Variants in ARHGAP44 observed in about 807,000 individuals in gnomAD.
ARHGAP44 encodes rho GTPase-activating protein 44.
ARHGAP44 carries 43 observed loss-of-function variants against 106.8 expected under a neutral mutation model. The ratio of observed to expected loss-of-function variants is 0.40; its 90% CI spans 0.32 to 0.52. The LOEUF is 0.52. ARHGAP44 is among the 20% of genes least tolerant of loss of function. The pLI is 0.48. For missense variants in ARHGAP44, 866 were observed against 1,050.5 expected, an observed-to-expected ratio of 0.82 and a Z score of 2.43; for synonymous variants, 439 against 410.3, an observed-to-expected ratio of 1.07 and a Z score of -0.85.
Position 12,990,195 on chromosome 17 carries a change from G to C in ARHGAP44, c.*24G>C. 6.3e-7 allele frequency: 1 copy of C among 1,599,970 alleles called. No homozygotes were observed. The highest frequency in any genetic ancestry group is 8.6e-7 in the Non-Finnish European group (1 of 1,168,630). On this transcript the variant is annotated 3_prime_UTR_variant, in exon 21 of 21. Coordinates refer to ENST00000379672, the MANE Select transcript of ARHGAP44 (RefSeq NM_014859.6). ...GACATGACACCGCCCATCCTGCCTC[G>C]CGTGTACATACATCACGGGCCCTAG...
chr17:12,894,968 G>A lies in ARHGAP44; in HGVS notation c.82G>A (p.Asp28Asn). The change falls in exon 2 of 21, where the codon GAC becomes AAC. Residue 28 changes from aspartate to asparagine, a missense_variant. Coordinates refer to ENST00000379672, the MANE Select transcript of ARHGAP44 (RefSeq NM_014859.6). ...TGAAAAGACAGAAGTTTTGAGTGAA[G>A]ACCTTCTTCAGGTAAGGCGGCCATT... ...RAEKTEVLSE[D>N]LLQVEKRLEL... 2.5e-6 allele frequency: 4 copies of A among 1,589,376 alleles called. No individual in the cohort carries two copies. Among genetic ancestry groups the A allele is most frequent in the Non-Finnish European group, 3.4e-6 (4 of 1,167,062 alleles).
intron 16 of ARHGAP44, among the ~76,000 whole-genome samples, chr17:12,961,532 C>T (rs1451879362): frequency 2.0e-5 from 3 of 152,100 alleles, no homozygotes; most frequent in Non-Finnish European, 2.9e-5. Flanking sequence ...CTTGGGAGTT[C>T]GAGACCAGCC....
rs189359794 is a variant in ARHGAP44, at chr17:12,847,693, A to G, written c.54-47247A>G. Among the ~76,000 whole-genome samples, 1,106 of 149,928 alleles carry G rather than the reference A, an allele frequency of 7.4e-3. 7 individuals carry two copies. The highest frequency in any genetic ancestry group is 0.011 in the Non-Finnish European group (752 of 67,488). ...TGCGCCCGGCTAATTTTTTTTTTGT[A>G]TTTTTAGTAGAGACGGGGTTTCACC... On this transcript the variant is annotated intron_variant, in intron 1 of 20. Transcript: ENST00000379672.
At chr17:12,877,437 G>A (rs889270661) in intron 1 of ARHGAP44, among the ~76,000 whole-genome samples, 6 of 152,070 alleles carry the variant, frequency 3.9e-5, no homozygotes, top group Admixed American at 2.0e-4. Flanking sequence ...TAAGATCATC[G>A]TTGGTTTATA....
In ARHGAP44 at chr17:12,974,086, C is replaced by T; in HGVS notation, c.1542-3C>T. 1 of 1,561,262 alleles carries T rather than the reference C, an allele frequency of 6.4e-7. No homozygotes were observed. ...TAAGCGGTGTCTTTGTGTCCCTCGC[C>T]AGCATGGGTGTGAGGGTCATGGACA... On this transcript the variant is annotated splice_region_variant and splice_polypyrimidine_tract_variant and intron_variant, in intron 17 of 20. Coordinates refer to ENST00000379672, the MANE Select transcript of ARHGAP44 (RefSeq NM_014859.6).
chr17:12,953,512 A>G (rs944818578), intron 13 of ARHGAP44, among the ~76,000 whole-genome samples: 2 of 152,218 alleles, frequency 1.3e-5, no homozygotes, highest in Non-Finnish European at 2.9e-5. Flanking sequence ...GGATCCAGCA[A>G]TTCCACTTCT....
chr17:12,831,504 G>A (rs755631421), intron 1 of ARHGAP44, among the ~76,000 whole-genome samples: 5 of 152,194 alleles, frequency 3.3e-5, no homozygotes, highest in Admixed American at 3.3e-4. Flanking sequence ...ATGAGCAGAG[G>A]CTCCGTAGAG....
chr17:12,797,477 T>C (rs780692482), intron 1 of ARHGAP44, among the ~76,000 whole-genome samples: 5 of 152,210 alleles, frequency 3.3e-5, no homozygotes, highest in Admixed American at 6.5e-5. Flanking sequence ...TTATTGTCTG[T>C]TGGTTCTGGC....
intron 1 of ARHGAP44, among the ~76,000 whole-genome samples, chr17:12,832,485 A>G (rs1413556306): frequency 6.6e-6 from 1 of 152,156 alleles, no homozygotes. Context: ...TCTTAGCTTC[A>G]TGACTCCTGA....
chr17:12,987,032 T>C, intron 20 of ARHGAP44: 1 of 1,334,384 alleles, frequency 7.5e-7, no homozygotes, highest in Non-Finnish European at 1.0e-6. Flanking sequence ...TTTTTTTTTT[T>C]TTTTTTGTGA....
chr17:12,836,731 C>A (rs192780326), intron 1 of ARHGAP44, among the ~76,000 whole-genome samples: 8 of 152,212 alleles, frequency 5.3e-5, no homozygotes, highest in African/African-American at 9.6e-5. Flanking sequence ...ACACAATAAT[C>A]CTATGTGTCT....
At chr17:12,841,622 ACACACACACACACAC>A (rs2035402070) in intron 1 of ARHGAP44, among the ~76,000 whole-genome samples, 17 of 146,082 alleles carry the variant, frequency 1.2e-4, no homozygotes, top group Admixed American at 9.4e-4. Flanking sequence ...ACACACACAC[ACACACACACACACAC>A]ACAAACAAAC....
chr17:12,916,470 G>T (rs1312435160), intron 5 of ARHGAP44, among the ~76,000 whole-genome samples: 1 of 151,954 alleles, frequency 6.6e-6, no homozygotes, highest in Non-Finnish European at 1.5e-5. Context: ...TGCAACCTCC[G>T]CCTCCCAGGT....
At chr17:12,983,677 G>T (rs1049058176) in intron 19 of ARHGAP44, among the ~76,000 whole-genome samples, 1 of 152,076 alleles carries the variant, frequency 6.6e-6, no homozygotes, top group Non-Finnish European at 1.5e-5. Flanking sequence ...GGTGGTGGGC[G>T]CCTGTAATCC....
At chr17:12,987,237 A>T (rs951512813) in intron 20 of ARHGAP44, 1 of 1,266,264 alleles carries the variant, frequency 7.9e-7, no homozygotes, top group African/African-American at 1.5e-5. Flanking sequence ...TCGTCTCTGC[A>T]TGTGGCTCAG....
chr17:12,803,451 ATGAATCCATCCC>A (rs575988352), intron 1 of ARHGAP44, among the ~76,000 whole-genome samples: 177 of 152,156 alleles, frequency 1.2e-3, no homozygotes, highest in African/African-American at 4.0e-3. Flanking sequence ...GTTGGCTCCT[ATGAATCCATCCC>A]TGAATTATAT....
intron 7 of ARHGAP44, among the ~76,000 whole-genome samples, chr17:12,939,657 G>A (rs1339922891): frequency 1.3e-5 from 2 of 151,994 alleles, no homozygotes; most frequent in Admixed American, 6.6e-5. Context: ...TAGTAGAGAC[G>A]GGGTTTCACC....
intron 1 of ARHGAP44, among the ~76,000 whole-genome samples, chr17:12,820,342 A>C (rs4792284): frequency 0.35 from 53,118 of 151,988 alleles, 12,625 homozygotes; most frequent in African/African-American, 0.68. Context: ...TTTAAATATT[A>C]TTTTGTAACT....
intron 3 of ARHGAP44, among the ~76,000 whole-genome samples, chr17:12,899,646 C>G (rs1015490460): frequency 2.0e-5 from 3 of 151,684 alleles, no homozygotes; most frequent in Non-Finnish European, 4.4e-5. Flanking sequence ...TGAACAGACA[C>G]TGTCTCGGGA....
Sources: allele counts gnomAD v4.1 joint callset (sites outside exome capture counted in the v4.1 genomes callset), GRCh38; gene constraint gnomAD v4.1.1; transcripts MANE v1.5; gene names NCBI Gene and HGNC (gene_info 2026-07-23, HGNC 2026-07-21).